The following UTS2B variants were observed in gnomAD, a reference collection of about 807,000 sequenced individuals.
UTS2B encodes the protein urotensin 2B, also known as urotensin-2B.
UTS2B carries 21 observed loss-of-function variants against 19.2 expected under a neutral mutation model. The observed-to-expected ratio is 1.09, with a 90% CI of 0.78 to 1.58. The LOEUF is 1.58. UTS2B is among the 40% of genes most tolerant of loss of function. The pLI is 0.00. For missense variants in UTS2B, 138 were observed against 130.3 expected, an observed-to-expected ratio of 1.06 and a Z score of -0.29; for synonymous variants, 57 against 50.2, an observed-to-expected ratio of 1.14 and a Z score of -0.58.
At chr3:191,309,589 T>C (rs1717234937) in intron 3 of UTS2B, among the ~76,000 whole-genome samples, 1 of 152,212 alleles carries the variant, frequency 6.6e-6, no homozygotes, top group South Asian at 2.1e-4. Flanking sequence ...TCATGTCTAA[T>C]TGTAATCCCC....
Position 191,276,822 on chromosome 3 carries a change from C to A in UTS2B, c.225G>T (p.Leu75=). Reference sequence around the variant, plus strand: ...ACATTCTCACCTGGTTAAGTTCTTCCAGTTTGTTAGGTAAGGCTAGGTCTG... The same window carrying A: ...ACATTCTCACCTGGTTAAGTTCTTCAAGTTTGTTAGGTAAGGCTAGGTCTG... ...FNTDLALPNK[L]EELNQLEKLK... Residue 75 remains leucine (L), a synonymous_variant, in exon 7 of 9, where the codon CTG becomes CTT. Transcript: ENST00000340524. 1.9e-6 allele frequency: 3 copies of A among 1,611,656 alleles called. No homozygotes were observed. The highest frequency in any genetic ancestry group is 2.5e-6 in the Non-Finnish European group (3 of 1,179,032).
intron 4 of UTS2B, among the ~76,000 whole-genome samples, chr3:191,289,447 T>TAAATAAAAAAAA (rs1206575948): frequency 1.4e-5 from 2 of 144,584 alleles, no homozygotes; most frequent in East Asian, 2.0e-4. Flanking sequence ...AATAAATAAA[T>TAAATAAAAAAAA]AAAAAACAAA....
At chr3:191,312,135 G>C (rs1384540028) in intron 3 of UTS2B, among the ~76,000 whole-genome samples, 1 of 147,306 alleles carries the variant, frequency 6.8e-6, no homozygotes, top group Non-Finnish European at 1.5e-5. Context: ...GTGGGTGACA[G>C]AGCAAGATTC....
intron 2 of UTS2B, among the ~76,000 whole-genome samples, chr3:191,319,630 C>T (rs1021296449): frequency 2.7e-5 from 4 of 150,572 alleles, no homozygotes; most frequent in Non-Finnish European, 4.4e-5. Context: ...GAGGCTGAGA[C>T]GGGTGGATCA....
chr3:191,273,263 T>G (rs1194523648), intron 8 of UTS2B: 3 of 328,520 alleles, frequency 9.1e-6, no homozygotes, highest in African/African-American at 2.2e-5. Flanking sequence ...TAGAAGAGAT[T>G]TGGGGTTGTC....
the UTS2B span, among the ~76,000 whole-genome samples, chr3:191,340,335 A>T: frequency 6.6e-6 from 1 of 152,320 alleles, no homozygotes; most frequent in Non-Finnish European, 1.5e-5. Flanking sequence ...TATTTCTGTA[A>T]ATTGGGCAAG....
rs530173086 is a variant in UTS2B at position 191,329,951 on chromosome 3, G to A, written c.-665+463C>T. Among the ~76,000 whole-genome samples the A allele has an allele frequency of 3.6e-5, 5 of 137,316 alleles. No homozygotes were observed. The East Asian group carries it at 8.8e-4, about 24-fold the overall frequency. 90.1% of individuals were successfully genotyped at this position (137,316 alleles called of 152,430 possible). A position where few individuals can be genotyped will look rare whatever the true frequency, so the allele number is the denominator to read the frequency against. ...TTCTCAAGGGGGTGGTTGGGGGGGG[G>A]GGGGGCTAGCAGCAGCCCCAGCAAG... On this transcript the variant is annotated intron_variant, in intron 1 of 8. Transcript: ENST00000340524.
the UTS2B span, among the ~76,000 whole-genome samples, chr3:191,339,261 T>C: frequency 6.6e-6 from 1 of 152,160 alleles, no homozygotes; most frequent in Non-Finnish European, 1.5e-5. Context: ...TTTAGAATGG[T>C]CTCTTTCAGG....
chr3:191,329,084 G>C (rs1156646654), intron 1 of UTS2B: 2 of 152,804 alleles, frequency 1.3e-5, no homozygotes, highest in African/African-American at 2.4e-5. Flanking sequence ...CACCGCTCAC[G>C]GGAAAGACTA....
At chr3:191,282,389 A>G (rs763095381) in intron 4 of UTS2B, 76 bp from the exon 5 acceptor site, 4 of 496,350 alleles carry the variant, frequency 8.1e-6, no homozygotes, top group Non-Finnish European at 1.4e-5. Context: ...ATGATTCACT[A>G]CTTGGAGAAG....
At chr3:191,300,864 G>T (rs1716981033) in intron 4 of UTS2B, among the ~76,000 whole-genome samples, 1 of 152,152 alleles carries the variant, frequency 6.6e-6, no homozygotes, top group African/African-American at 2.4e-5. Context: ...GATTTCTGAG[G>T]CCTCCCCAGA....
Position 191,278,151 on chromosome 3 carries a change from A to G in UTS2B, c.123T>C (p.Asp41=), listed in dbSNP as rs377610135. The G allele has an allele frequency of 1.9e-6, 3 of 1,539,310 alleles. No homozygotes were observed. The African/African-American group carries it at 4.2e-5, about 21-fold the overall frequency. ...GTTCCTCACGATTTGTATATTTTTT[A>G]TCTGGAAATATTTCATTTCCTATAA... ...YLTQGNEIFP[D]KKYTNREELL... The change falls in exon 6 of 9, where the codon GAT becomes GAC. Residue 41 remains aspartate (D), a synonymous_variant. Transcript: ENST00000340524.
At chr3:191,282,635 AG>A (rs1184832061) in intron 4 of UTS2B, among the ~76,000 whole-genome samples, 1 of 152,206 alleles carries the variant, frequency 6.6e-6, no homozygotes, top group Non-Finnish European at 1.5e-5. Flanking sequence ...GAGAGCATAG[AG>A]GGCAGGTGAA....
In UTS2B at chr3:191,323,255, C is replaced by T. The variant is rs1366989765; in HGVS notation, c.-586+5376G>A. 2.0e-5 allele frequency among the ~76,000 whole-genome samples: 3 copies of T among 152,050 alleles called. No homozygotes were observed. The East Asian group carries it at 5.8e-4, about 29-fold the overall frequency. On this transcript the variant is annotated intron_variant, in intron 2 of 8. Transcript: ENST00000340524. ...CCAGGCTAGAGATCTGGGCTCACTG[C>T]TATTTCTGCCTCCTGGGTTCAAACA... is the stretch of plus-strand genomic sequence containing the variant.
intron 2 of UTS2B, among the ~76,000 whole-genome samples, chr3:191,319,152 A>C (rs140543205): frequency 6.6e-6 from 1 of 152,242 alleles, no homozygotes; most frequent in East Asian, 1.9e-4. Flanking sequence ...TGTACTAATC[A>C]GTACCTGTGC....
chr3:191,316,564 A>C (rs1560146453), intron 2 of UTS2B, 125 bp from the exon 3 acceptor site: 1 of 152,182 alleles, frequency 6.6e-6, no homozygotes, highest in East Asian at 1.9e-4. Flanking sequence ...TGATCGGTAC[A>C]TTTTACAGAG....
intron 8 of UTS2B, among the ~76,000 whole-genome samples, chr3:191,271,814 T>TTCATA (rs1716102781): frequency 6.6e-6 from 1 of 152,222 alleles, no homozygotes. Flanking sequence ...AGATATAAGA[T>TTCATA]TCATATTCAC....
intron 3 of UTS2B, among the ~76,000 whole-genome samples, chr3:191,306,095 G>A (rs1300127432): frequency 6.6e-6 from 1 of 152,160 alleles, no homozygotes; most frequent in Non-Finnish European, 1.5e-5. Flanking sequence ...TGAAGTCGCT[G>A]AGTGTGATGC....
At chr3:191,275,447 G>A (rs533884528) in intron 7 of UTS2B, 102 bp from the exon 8 acceptor site, 9 of 833,508 alleles carry the variant, frequency 1.1e-5, no homozygotes, top group East Asian at 2.5e-5. Context: ...TCGGGAGGCC[G>A]AGGCAGGCAG....
Sources: gnomAD v4.1 joint callset for allele counts (sites outside exome capture counted in the v4.1 genomes callset) on GRCh38, gnomAD v4.1.1 for gene constraint, MANE v1.5 for transcripts, NCBI Gene and HGNC (gene_info 2026-07-23, HGNC 2026-07-21) for gene names.